The following CACNA2D1 variants were observed in gnomAD, a reference collection of about 807,000 sequenced individuals.
CACNA2D1 encodes the protein voltage-dependent calcium channel subunit alpha-2/delta-1.
CACNA2D1 carries 53 observed loss-of-function variants against 171.5 expected under a neutral mutation model. That is an observed-to-expected ratio of 0.31 (90% CI 0.25 to 0.39). CACNA2D1 has a LOEUF of 0.39. Among genes scored for constraint, CACNA2D1 ranks in the 10% least tolerant of loss-of-function variants. The pLI is 1.00. For synonymous variants in CACNA2D1, 442 were observed against 443.1 expected (o/e 1.00, Z 0.03); for missense variants, 903 against 1,299.8 (o/e 0.69, Z 4.69).
rs564122741 is a variant in CACNA2D1, at chr7:81,950,525, A to G, written c.3160-17T>C. The G allele has an allele frequency of 4.5e-5, 72 of 1,599,212 alleles. No individual in the cohort carries two copies. In the Admixed American group the frequency reaches 6.2e-4, roughly 14 times the overall value. On this transcript the variant is annotated splice_polypyrimidine_tract_variant and intron_variant, in intron 38 of 38. Transcript: ENST00000356860. ...ATAATCCTCCTGTTGTTAAAAAAAA[A>G]AGAAAAGAACAGAAAAAGAAAAATC... is the stretch of plus-strand genomic sequence containing the variant.
chr7:81,978,801 CATATAT>C lies in CACNA2D1; in HGVS notation c.1955+3760_1955+3765del, dbSNP rs3083237. On this transcript the variant is annotated intron_variant, in intron 24 of 38. Transcript: ENST00000356860. Reference sequence around the variant, plus strand: ...CACACACACACTGTTCAAAACAGCACATATATATATATATATATATTTATTTATTTA... The same window carrying C: ...CACACACACACTGTTCAAAACAGCACATATATATATATATTTATTTATTTA... Among the ~76,000 whole-genome samples the C allele has an allele frequency of 3.6e-3, 515 of 141,590 alleles. 3 individuals are homozygous for C. Among genetic ancestry groups the C allele is most frequent in the African/African-American group, 8.3e-3 (317 of 38,270 alleles). 92.9% of individuals were successfully genotyped at this position (141,590 alleles called of 152,430 possible). A position where few individuals can be genotyped will look rare whatever the true frequency, so the allele number is the denominator to read the frequency against.
chr7:82,232,056 C>A (rs1292160426), intron 3 of CACNA2D1, among the ~76,000 whole-genome samples: 1 of 152,060 alleles, frequency 6.6e-6, no homozygotes, highest in African/African-American at 2.4e-5. Context: ...ATCTTTGTGG[C>A]TTTTTAGTAT....
intron 3 of CACNA2D1, among the ~76,000 whole-genome samples, chr7:82,247,936 C>A (rs1805131383): frequency 6.6e-6 from 1 of 152,136 alleles, no homozygotes; most frequent in South Asian, 2.1e-4. Context: ...GCCAAGTTAT[C>A]CCTATTTTAG....
At chr7:82,121,638 T>C (rs1215979582) in intron 5 of CACNA2D1, among the ~76,000 whole-genome samples, 1 of 152,196 alleles carries the variant, frequency 6.6e-6, no homozygotes, top group Non-Finnish European at 1.5e-5. Flanking sequence ...ATTTAGAAAG[T>C]GTATGAGTTG....
At chr7:82,417,300 C>A (rs1292628838) in intron 1 of CACNA2D1, among the ~76,000 whole-genome samples, 1 of 152,158 alleles carries the variant, frequency 6.6e-6, no homozygotes, top group Non-Finnish European at 1.5e-5. Context: ...AGAGGATTCA[C>A]AGATCTCCAG....
At chr7:82,173,920 A>G (rs1026537210) in intron 3 of CACNA2D1, among the ~76,000 whole-genome samples, 6 of 151,482 alleles carry the variant, frequency 4.0e-5, no homozygotes, top group African/African-American at 1.5e-4. Flanking sequence ...GCACATGCCT[A>G]TCATCCCAGC....
chr7:82,168,032 C>A (rs969044823), intron 4 of CACNA2D1, among the ~76,000 whole-genome samples: 4 of 151,944 alleles, frequency 2.6e-5, no homozygotes, highest in African/African-American at 9.7e-5. Context: ...GATAGAGGCA[C>A]CAAAAAAGTA....
Position 82,107,600 on chromosome 7 carries a change from T to TC in CACNA2D1, c.526+9443_526+9444insG, listed in dbSNP as rs528931138. ...ATGAAAATAAACTTTTTTTTTTTTT[T>TC]TTTGAGACAGTCTCGCTCTGTCACC... is the stretch of plus-strand genomic sequence containing the variant. On this transcript the variant is annotated intron_variant, in intron 6 of 38. Coordinates refer to ENST00000356860, the MANE Select transcript of CACNA2D1 (RefSeq NM_000722.4). 1.6e-3 allele frequency among the ~76,000 whole-genome samples: 238 copies of TC among 151,514 alleles called. 1 individual carries two copies. Among genetic ancestry groups the TC allele is most frequent in the South Asian group, 0.016 (74 of 4,768 alleles).
rs117050356 is a variant in CACNA2D1 at position 82,007,834 on chromosome 7, C to T, written c.1363-78G>A. ...GTCAGAGTGCACTAACCTTTGATAT[C>T]TGAGATTGCATTTTATAGTTACTTT... On this transcript the variant is annotated intron_variant, in intron 15 of 38. Transcript: ENST00000356860. 1,759 of 803,796 alleles carry T rather than the reference C, an allele frequency of 2.2e-3. 12 individuals are homozygous for T. Among genetic ancestry groups the T allele is most frequent in the East Asian group, 0.019 (759 of 39,884 alleles). The allele number at this position is 803,796 out of a possible 1,614,324, so 49.8% of individuals were successfully genotyped here.
chr7:82,366,164 G>C (rs1585671971), intron 1 of CACNA2D1, among the ~76,000 whole-genome samples: 7 of 152,136 alleles, frequency 4.6e-5, no homozygotes, highest in Admixed American at 4.6e-4. Context: ...TCTTGAACTT[G>C]TGTCATCCGT....
At chr7:82,061,496 T>C (rs1022171942) in intron 9 of CACNA2D1, among the ~76,000 whole-genome samples, 1 of 152,152 alleles carries the variant, frequency 6.6e-6, no homozygotes, top group Middle Eastern at 3.2e-3. Context: ...TAACAGCTCA[T>C]AGATACCGAC....
intron 1 of CACNA2D1, among the ~76,000 whole-genome samples, chr7:82,373,333 T>G (rs893458528): frequency 1.7e-4 from 26 of 152,344 alleles, no homozygotes; most frequent in Admixed American, 7.2e-4. Flanking sequence ...AATAACATAG[T>G]AATATGTTTC....
chr7:82,149,424 G>A (rs1263240968), intron 4 of CACNA2D1, among the ~76,000 whole-genome samples: 1 of 152,026 alleles, frequency 6.6e-6, no homozygotes, highest in Non-Finnish European at 1.5e-5. Flanking sequence ...CACAAGCTGT[G>A]GTCAAGAGCA....
chr7:81,955,284 C>A (rs2041404), intron 38 of CACNA2D1, among the ~76,000 whole-genome samples: 61,409 of 151,824 alleles, frequency 0.4, 12,567 homozygotes, highest in East Asian at 0.51. Context: ...GTGAGCAGAA[C>A]CTAATCCAAC....
chr7:82,115,108 A>T (rs1341761263), intron 6 of CACNA2D1, among the ~76,000 whole-genome samples: 2 of 152,232 alleles, frequency 1.3e-5, no homozygotes, highest in African/African-American at 2.4e-5. Context: ...GTTGAAAAGC[A>T]GTGCCATGAT....
intron 15 of CACNA2D1, among the ~76,000 whole-genome samples, chr7:82,011,202 T>C (rs37131): frequency 0.53 from 80,177 of 152,014 alleles, 23,482 homozygotes; most frequent in African/African-American, 0.8. Context: ...TTTTGGCTTC[T>C]CTGGGCCACA....
intron 3 of CACNA2D1, among the ~76,000 whole-genome samples, chr7:82,274,850 G>T (rs1470375388): frequency 7.6e-6 from 1 of 131,900 alleles, no homozygotes. Flanking sequence ...TTCAATACAG[G>T]TATTTATGAA....
chr7:82,213,468 G>A (rs531098588), intron 3 of CACNA2D1, among the ~76,000 whole-genome samples: 46 of 152,144 alleles, frequency 3.0e-4, no homozygotes, highest in African/African-American at 8.2e-4. Flanking sequence ...TCACCTGTTT[G>A]TACTTCTATA....
At chr7:82,002,841 A>G (rs1798744863) in intron 18 of CACNA2D1, among the ~76,000 whole-genome samples, 2 of 152,082 alleles carry the variant, frequency 1.3e-5, no homozygotes, top group African/African-American at 2.4e-5. Flanking sequence ...TAGCTATTTT[A>G]TGATATTCTG....
Sources: gnomAD v4.1 joint callset for allele counts (sites outside exome capture counted in the v4.1 genomes callset) on GRCh38, gnomAD v4.1.1 for gene constraint, MANE v1.5 for transcripts, NCBI Gene and HGNC (gene_info 2026-07-23, HGNC 2026-07-21) for gene names.